The following ASMTL variants were observed in gnomAD, a reference collection of about 807,000 sequenced individuals.
ASMTL encodes the protein acetylserotonin O-methyltransferase like, also known as probable bifunctional dTTP/UTP pyrophosphatase/methyltransferase protein.
ASMTL carries 57 observed loss-of-function variants against 60.3 expected under a neutral mutation model. The observed-to-expected ratio is 0.95, with a 90% CI of 0.76 to 1.18. The LOEUF (loss-of-function observed/expected upper bound fraction) is 1.18. Among genes scored for constraint, ASMTL ranks in the 50% most tolerant of loss-of-function variants. The pLI is 0.00. For synonymous variants in ASMTL, 419 were observed against 373.0 expected (o/e 1.12, Z -1.42); for missense variants, 981 against 852.6 (o/e 1.15, Z -1.88).
At chrX:1,417,384 C>T (rs1424655987) in intron 11 of ASMTL, among the ~76,000 whole-genome samples, 2 of 145,518 alleles carry the variant, frequency 1.4e-5, no homozygotes, top group Non-Finnish European at 3.0e-5. Context: ...TGCAACCACA[C>T]ACCACAGAGA....
rs745562260 is a variant in ASMTL at position 1,419,247 on chromosome X, G to A, written c.1246-133C>T. On this transcript the variant is annotated intron_variant, in intron 9 of 12. Transcript: ENST00000381317. ...CTCAGCCGCGCCTGGGCTGCAGAGCGGGCTTCATGCCACAGCTGTGTGGGC... is the reference window on the plus strand; with the variant it reads ...CTCAGCCGCGCCTGGGCTGCAGAGCAGGCTTCATGCCACAGCTGTGTGGGC... The A allele has an allele frequency of 5.3e-4, 536 of 1,014,374 alleles. 6 individuals are homozygous for A. In the African/African-American group the frequency reaches 6.7e-3, roughly 13 times the overall value. The allele number at this position is 1,014,374 out of a possible 1,614,324, so 62.8% of individuals were successfully genotyped here.
chrX:1,441,381 A>AT (rs2091102951), intron 2 of ASMTL, among the ~76,000 whole-genome samples: 1 of 152,098 alleles, frequency 6.6e-6, no homozygotes, highest in Admixed American at 6.6e-5. Context: ...GGTTCACGCA[A>AT]TTCTCCTGCC....
intron 1 of ASMTL, among the ~76,000 whole-genome samples, chrX:1,451,365 G>A (rs1470486200): frequency 1.7e-4 from 24 of 138,468 alleles, no homozygotes; most frequent in African/African-American, 5.5e-4. Flanking sequence ...TGGGGGTCCC[G>A]GGTCACCCTT....
intron 1 of ASMTL, among the ~76,000 whole-genome samples, chrX:1,451,367 G>C (rs1178670218): frequency 1.4e-5 from 2 of 143,774 alleles, no homozygotes; most frequent in East Asian, 4.3e-4. Context: ...GGGGTCCCGG[G>C]TCACCCTTCC....
At position 1,417,810 on chromosome X, in the gene ASMTL, G is replaced by C. The variant is rs865892241; in HGVS notation, c.1522+163C>G. On this transcript the variant is annotated intron_variant, in intron 11 of 12. Coordinates refer to ENST00000381317, the MANE Select transcript of ASMTL (RefSeq NM_004192.4). ...CATACCACACACATGCACACAGAGA[G>C]ACACACACACACAAGCACCGTAGAC... 2.6e-4 allele frequency: 80 copies of C among 302,502 alleles called. 1 individual carries two copies. The South Asian group carries it at 5.3e-3, about 20-fold the overall frequency. The allele number at this position is 302,502 out of a possible 1,614,324, so 18.7% of individuals were successfully genotyped here. A position where few individuals can be genotyped will look rare whatever the true frequency, so the allele number is the denominator to read the frequency against.
intron 11 of ASMTL, among the ~76,000 whole-genome samples, chrX:1,415,659 T>G (rs1482356594): frequency 3.3e-5 from 5 of 151,788 alleles, no homozygotes; most frequent in Non-Finnish European, 7.4e-5. Flanking sequence ...AGAGATGGGG[T>G]TTCGCCATGT....
chrX:1,441,143 T>C (rs1418771804), intron 2 of ASMTL, among the ~76,000 whole-genome samples: 2 of 152,176 alleles, frequency 1.3e-5, no homozygotes, highest in African/African-American at 4.8e-5. Flanking sequence ...GGTAATAAGC[T>C]ACATAATTCT....
At position 1,420,971 on chromosome X, in the gene ASMTL, T is replaced by A. The variant is rs1449660074; in HGVS notation, c.1245+687A>T. ...CTGGCTAATCGTTAATTTTTTTTTTTTTTTTTGAGATGGAGTTTCGCTCTG... is the reference window on the plus strand; with the variant it reads ...CTGGCTAATCGTTAATTTTTTTTTTATTTTTTGAGATGGAGTTTCGCTCTG... On this transcript the variant is annotated intron_variant, in intron 9 of 12. Transcript: ENST00000381317. Among the ~76,000 whole-genome samples the A allele has an allele frequency of 1.8e-4, 27 of 151,408 alleles. 1 individual carries two copies. The highest frequency in any genetic ancestry group is 6.3e-4 in the South Asian group (3 of 4,766).
At chrX:1,435,788 T>C in intron 3 of ASMTL, 30 bp from the exon 4 acceptor site, 1 of 1,602,898 alleles carries the variant, frequency 6.2e-7, no homozygotes, top group Non-Finnish European at 8.5e-7. Flanking sequence ...AGGGAGTTGG[T>C]TCCCACCGGC....
chrX:1,419,217 G>T lies in ASMTL; in HGVS notation c.1246-103C>A, dbSNP rs781728905. The stretch of plus-strand genomic sequence containing the variant: ...GGAGAAGTGCAGGGCTCCAGAGCGT[G>T]GGGGCTCAGCCGCGCCTGGGCTGCA... On this transcript the variant is annotated intron_variant, in intron 9 of 12. Coordinates refer to ENST00000381317, the MANE Select transcript of ASMTL (RefSeq NM_004192.4). 45 of 1,387,422 alleles carry T rather than the reference G, an allele frequency of 3.2e-5. 1 individual carries two copies. The Middle Eastern group carries it at 1.3e-3, about 39-fold the overall frequency. The allele number at this position is 1,387,422 out of a possible 1,614,324, so 85.9% of individuals were successfully genotyped here.
Position 1,427,832 on chromosome X carries a change from GTCCCGCCTC to G in ASMTL, c.790_798del (p.Glu264_Gly266del), listed in dbSNP as rs747702844. 8.1e-6 allele frequency: 13 copies of G among 1,612,032 alleles called. No individual in the cohort carries two copies. Among genetic ancestry groups the G allele is most frequent in the Non-Finnish European group, 1.0e-5 (12 of 1,179,826 alleles). On this transcript the variant is annotated inframe_deletion, in exon 7 of 13. Transcript: ENST00000381317. The stretch of plus-strand genomic sequence containing the variant: ...TGACACTCAGCCTCTGCCGTGGCCT[GTCCCGCCTC>G]TCCCGCCTCGGCCTTCTCATCGCGG...
At chrX:1,412,332 A>G (rs1421468015) in intron 12 of ASMTL, among the ~76,000 whole-genome samples, 4 of 151,918 alleles carry the variant, frequency 2.6e-5, no homozygotes, top group African/African-American at 4.8e-5. Context: ...GGTTCAAGTG[A>G]TTCTCCTGCC....
intron 11 of ASMTL, among the ~76,000 whole-genome samples, chrX:1,416,598 T>A (rs2090282266): frequency 9.6e-6 from 1 of 104,512 alleles, no homozygotes; most frequent in Admixed American, 1.0e-4. Context: ...CATACACACA[T>A]ATACCCACAC....
intron 6 of ASMTL, among the ~76,000 whole-genome samples, chrX:1,430,724 A>T (rs1253596302): frequency 4.7e-5 from 7 of 149,514 alleles, no homozygotes; most frequent in African/African-American, 1.8e-4. Flanking sequence ...GTGAGCTATG[A>T]CTGTACCACT....
Position 1,410,256 on chromosome X carries a change from A to G in ASMTL, c.1645+2476T>C, listed in dbSNP as rs193039915. ...GTCAAGGCTGCAGTGAACTATGATG[A>G]CAACACTGCCCTCCAGCCAAATGCT... On this transcript the variant is annotated intron_variant, in intron 12 of 12. Coordinates refer to ENST00000381317, the MANE Select transcript of ASMTL (RefSeq NM_004192.4). Among the ~76,000 whole-genome samples the G allele has an allele frequency of 7.0e-3, 127 of 18,236 alleles. 2 individuals are homozygous for G. The highest frequency in any genetic ancestry group is 0.03 in the Admixed American group (37 of 1,236). The allele number at this position is 18,236 out of a possible 152,430, so 12.0% of individuals were successfully genotyped here. A position where few individuals can be genotyped will look rare whatever the true frequency, so the allele number is the denominator to read the frequency against.
At chrX:1,444,356 G>A (rs1368086641) in intron 1 of ASMTL, among the ~76,000 whole-genome samples, 2 of 151,840 alleles carry the variant, frequency 1.3e-5, no homozygotes, top group African/African-American at 4.8e-5. Context: ...TTGCAGGTGG[G>A]CGCCACCACA....
chrX:1,404,128 G>A (rs1392221119), intron 12 of ASMTL, among the ~76,000 whole-genome samples: 1 of 151,210 alleles, frequency 6.6e-6, no homozygotes, highest in African/African-American at 2.5e-5. Flanking sequence ...TGGATGAGAT[G>A]GATGGTTGGG....
intron 11 of ASMTL, 197 bp from the exon 12 acceptor site, chrX:1,413,051 G>A (rs1487111608): frequency 3.7e-5 from 23 of 626,938 alleles, no homozygotes; most frequent in East Asian, 1.1e-4. Flanking sequence ...GTGATGTCAC[G>A]CCCGTGCGGT....
At chrX:1,416,296 CAG>C (rs1311734224) in intron 11 of ASMTL, among the ~76,000 whole-genome samples, 1 of 149,890 alleles carries the variant, frequency 6.7e-6, no homozygotes, top group East Asian at 2.0e-4. Context: ...GGCACGCACA[CAG>C]ACGCAGACAT....
Sources: allele counts gnomAD v4.1 joint callset (sites outside exome capture counted in the v4.1 genomes callset), GRCh38; gene constraint gnomAD v4.1.1; transcripts MANE v1.5; gene names NCBI Gene and HGNC (gene_info 2026-07-23, HGNC 2026-07-21).